Variants in PCLO observed in about 807,000 individuals in gnomAD.
PCLO encodes piccolo presynaptic cytomatrix protein, also known as protein piccolo.
In PCLO, 82 loss-of-function variants were observed where a neutral mutation model predicts 427.5. The observed-to-expected ratio is 0.19, with a 90% confidence interval of 0.16 to 0.23. The LOEUF is 0.23. Among genes scored for constraint, PCLO ranks in the 10% least tolerant of loss-of-function variants. The pLI is 1.00. For synonymous variants in PCLO, 2,357 were observed against 2,155.4 expected (o/e 1.09, Z -2.59); for missense variants, 6,239 against 6,115.9 (o/e 1.02, Z -0.67).
intron 10 of PCLO, among the ~76,000 whole-genome samples, chr7:82,849,219 A>T (rs1173392707): frequency 6.6e-6 from 1 of 152,188 alleles, no homozygotes; most frequent in Non-Finnish European, 1.5e-5. Flanking sequence ...GCAAATTTAC[A>T]AAACAATTAT....
intron 3 of PCLO, among the ~76,000 whole-genome samples, chr7:83,088,603 T>C (rs1473592440): frequency 6.6e-6 from 1 of 152,186 alleles, no homozygotes; most frequent in African/African-American, 2.4e-5. Context: ...GCAACATTAC[T>C]CTGCAAGCCC....
intron 3 of PCLO, among the ~76,000 whole-genome samples, chr7:83,027,546 A>G (rs1187402576): frequency 1.3e-5 from 2 of 151,782 alleles, no homozygotes; most frequent in Non-Finnish European, 2.9e-5. Flanking sequence ...AACTGGTACC[A>G]TTCCTTCTGA....
chr7:82,823,385 C>T (rs1791844816), intron 19 of PCLO, among the ~76,000 whole-genome samples: 1 of 152,214 alleles, frequency 6.6e-6, no homozygotes, highest in Non-Finnish European at 1.5e-5. Context: ...AACCACTTTA[C>T]AATTTGCTGG....
chr7:83,104,554 G>T lies in PCLO; in HGVS notation c.3300+29696C>A, dbSNP rs577975907. Among the ~76,000 whole-genome samples the T allele has an allele frequency of 1.8e-4, 28 of 152,056 alleles. 1 individual carries two copies. Among genetic ancestry groups the T allele is most frequent in the Admixed American group, 1.6e-3 (24 of 15,254 alleles). On this transcript the variant is annotated intron_variant, in intron 3 of 24. Transcript: ENST00000333891. Reference sequence around the variant, plus strand: ...AAATCATACTATGGCTAAAATAATTGTATCACCTGGCTATAGTAGCTACCT... The same window carrying T: ...AAATCATACTATGGCTAAAATAATTTTATCACCTGGCTATAGTAGCTACCT...
chr7:83,096,923 A>AAAAATATATTAATATT (rs1790573344), intron 3 of PCLO, among the ~76,000 whole-genome samples: 3 of 54,028 alleles, frequency 5.6e-5, no homozygotes, highest in East Asian at 5.1e-4. Context: ...AAATATATAT[A>AAAAATATATTAATATT]ATATAATATA....
intron 2 of PCLO, among the ~76,000 whole-genome samples, chr7:83,152,937 G>C (rs1239207173): frequency 1.3e-5 from 2 of 151,878 alleles, no homozygotes; most frequent in Non-Finnish European, 2.9e-5. Context: ...CCACATAGTA[G>C]GTATTCAAAT....
At chr7:82,910,225 T>C in intron 7 of PCLO, among the ~76,000 whole-genome samples, 1 of 152,176 alleles carries the variant, frequency 6.6e-6, no homozygotes, top group South Asian at 2.1e-4. Flanking sequence ...ATACAATAGC[T>C]TTATTTTTCT....
chr7:83,107,955 C>T (rs1278535376), intron 3 of PCLO, among the ~76,000 whole-genome samples: 1 of 137,196 alleles, frequency 7.3e-6, no homozygotes, highest in East Asian at 2.1e-4. Flanking sequence ...TGCCACTGCA[C>T]TCCAGCCAGG....
At chr7:82,992,645 G>A (rs1033314391) in intron 3 of PCLO, among the ~76,000 whole-genome samples, 6 of 151,878 alleles carry the variant, frequency 4.0e-5, no homozygotes, top group African/African-American at 7.3e-5. Context: ...TAATGCATGC[G>A]GGGCTTAAAA....
chr7:83,104,855 C>T (rs967956707), intron 3 of PCLO, among the ~76,000 whole-genome samples: 2 of 152,058 alleles, frequency 1.3e-5, no homozygotes, highest in African/African-American at 2.4e-5. Flanking sequence ...TGGGCACTGC[C>T]CTCAGCCTTC....
At chr7:82,763,694 A>C (rs1790476152) in intron 22 of PCLO, among the ~76,000 whole-genome samples, 1 of 152,056 alleles carries the variant, frequency 6.6e-6, no homozygotes, top group Non-Finnish European at 1.5e-5. Context: ...TTCCTCTGTC[A>C]AAAAACTAAT....
chr7:83,103,155 T>C (rs1218073363), intron 3 of PCLO, among the ~76,000 whole-genome samples: 1 of 151,960 alleles, frequency 6.6e-6, no homozygotes, highest in Non-Finnish European at 1.5e-5. Context: ...AACCACTTGG[T>C]TATTTTTTTG....
At chr7:82,926,702 G>T (rs749985613) in intron 6 of PCLO, among the ~76,000 whole-genome samples, 1 of 152,064 alleles carries the variant, frequency 6.6e-6, no homozygotes, top group Admixed American at 6.6e-5. Flanking sequence ...CTACCTCACT[G>T]GACAGAAGCA....
intron 3 of PCLO, among the ~76,000 whole-genome samples, chr7:83,122,475 A>T (rs762822748): frequency 1.9e-4 from 29 of 151,656 alleles, no homozygotes; most frequent in Non-Finnish European, 2.9e-4. Context: ...TAGTAGAGAG[A>T]GTGTTTCACC....
At chr7:82,760,228 A>C (rs1790402008) in intron 24 of PCLO, among the ~76,000 whole-genome samples, 1 of 151,998 alleles carries the variant, frequency 6.6e-6, no homozygotes, top group African/African-American at 2.4e-5. Flanking sequence ...TGAGTAATTG[A>C]AGAGCTTTAA....
Position 83,135,402 on chromosome 7 carries a change from A to C in PCLO, c.2148T>G (p.Pro716=), listed in dbSNP as rs1458472978. ...CAGGGGGCTGCTTGGCCTTGGCTGA[A>C]GGAGAGCCATGAAGGGTTGGTTGTT... ...LVKQPTLHGS[P]SAKAKQPPEA... Residue 716 remains proline, a synonymous_variant, in exon 3 of 25, where the codon CCT becomes CCG. Transcript: ENST00000333891. 6.2e-7 allele frequency: 1 copy of C among 1,613,964 alleles called. No individual in the cohort carries two copies. The highest frequency in any genetic ancestry group is 2.2e-5 in the East Asian group (1 of 44,856).
chr7:83,126,745 T>A (rs1791448487), intron 3 of PCLO, among the ~76,000 whole-genome samples: 1 of 151,970 alleles, frequency 6.6e-6, no homozygotes, highest in African/African-American at 2.4e-5. Flanking sequence ...AAAAAGGAAA[T>A]TTTTAAGAGG....
At chr7:82,865,821 T>A (rs1793078744) in intron 10 of PCLO, among the ~76,000 whole-genome samples, 1 of 152,180 alleles carries the variant, frequency 6.6e-6, no homozygotes, top group African/African-American at 2.4e-5. Flanking sequence ...TGTTCCCACC[T>A]TGGTCTTAAC....
intron 20 of PCLO, among the ~76,000 whole-genome samples, chr7:82,809,601 G>GTAA (rs61674452): frequency 1.7e-4 from 26 of 149,302 alleles, no homozygotes; most frequent in Middle Eastern, 3.5e-3. Context: ...TAATGAATAA[G>GTAA]TAATAATAAT....
Sources: gnomAD v4.1 joint callset for allele counts (sites outside exome capture counted in the v4.1 genomes callset) on GRCh38, gnomAD v4.1.1 for gene constraint, MANE v1.5 for transcripts, NCBI Gene and HGNC (gene_info 2026-07-23, HGNC 2026-07-21) for gene names.